The following FTO variants were observed in gnomAD, a reference collection of about 807,000 sequenced individuals.
FTO encodes the protein alpha-ketoglutarate-dependent dioxygenase FTO.
FTO carries 47 observed loss-of-function variants against 63.9 expected under a neutral mutation model. The observed-to-expected ratio is 0.74, with a 90% confidence interval of 0.58 to 0.94. The LOEUF (loss-of-function observed/expected upper bound fraction) is 0.94. Ranked by LOEUF, FTO falls within the 40% of genes least tolerant of loss-of-function variation. The pLI, the probability that FTO is intolerant of heterozygous loss-of-function variation, is 0.00. For missense variants in FTO, 562 were observed against 618.1 expected (o/e 0.91, Z 0.96); for synonymous variants, 207 against 224.4 (o/e 0.92, Z 0.69).
Position 53,826,496 on chromosome 16 carries a change from A to C in FTO, c.751+5A>C, listed in dbSNP as rs751965508. ...TGTACAGTTATAGCTGTGAAGGTAC[A>C]GTCTGCTCTTGGAAAAAGCAGCCCT... On this transcript the variant is annotated splice_donor_5th_base_variant and intron_variant, in intron 3 of 8. Transcript: ENST00000471389. 1.9e-5 allele frequency: 30 copies of C among 1,614,072 alleles called. No individual in the cohort carries two copies. The highest frequency in any genetic ancestry group is 2.4e-5 in the Non-Finnish European group (28 of 1,180,012).
intron 4 of FTO, among the ~76,000 whole-genome samples, chr16:53,866,526 A>G (rs1294700178): frequency 6.6e-6 from 1 of 152,158 alleles, no homozygotes; most frequent in Non-Finnish European, 1.5e-5. Context: ...AAACATGTTA[A>G]TTATTGATTC....
At chr16:54,040,552 A>C (rs148203535) in intron 8 of FTO, 15 of 152,342 alleles carry the variant, frequency 9.8e-5, no homozygotes, top group African/African-American at 3.4e-4. Flanking sequence ...TGAGCTAGGA[A>C]ATCAGGGTAG....
chr16:53,807,084 A>G (rs1390234836), intron 1 of FTO, among the ~76,000 whole-genome samples: 1 of 152,246 alleles, frequency 6.6e-6, no homozygotes, highest in East Asian at 1.9e-4. Context: ...TCACCGATGT[A>G]AGCATGACCA....
At chr16:53,760,078 C>G (rs2077020285) in intron 1 of FTO, among the ~76,000 whole-genome samples, 1 of 152,164 alleles carries the variant, frequency 6.6e-6, no homozygotes, top group South Asian at 2.1e-4. Flanking sequence ...TTGAAATGCA[C>G]CTTCCTTCAG....
At chr16:53,780,219 C>T (rs746744481) in intron 1 of FTO, among the ~76,000 whole-genome samples, 37 of 152,102 alleles carry the variant, frequency 2.4e-4, no homozygotes, top group Non-Finnish European at 5.0e-4. Flanking sequence ...GCTCCAGACT[C>T]ACTGGCTTGC....
chr16:53,810,278 C>A (rs1048016586), intron 2 of FTO, 61 bp downstream of exon 2: 93 of 1,215,454 alleles, frequency 7.7e-5, no homozygotes, highest in Non-Finnish European at 1.5e-5. Context: ...CTTATTTTAC[C>A]TATGAGGAAG....
chr16:53,739,509 T>C lies in FTO; in HGVS notation c.45+35280T>C, dbSNP rs570733271. ...GATTACAGGTGTGAGCCACTGTGCC[T>C]GGCCTACTATTACTTTTTAGATGAA... On this transcript the variant is annotated intron_variant, in intron 1 of 8. Coordinates refer to ENST00000471389, the MANE Select transcript of FTO (RefSeq NM_001080432.3). 2.8e-3 allele frequency among the ~76,000 whole-genome samples: 432 copies of C among 152,212 alleles called. 1 individual carries two copies. The highest frequency in any genetic ancestry group is 4.5e-3 in the Non-Finnish European group (309 of 68,004).
chr16:54,033,337 G>A (rs997248580), intron 8 of FTO, among the ~76,000 whole-genome samples: 3 of 152,158 alleles, frequency 2.0e-5, no homozygotes, highest in African/African-American at 4.8e-5. Context: ...GAGAAATGAA[G>A]TTGAGACTGT....
At chr16:53,982,065 G>A (rs532277827) in intron 8 of FTO, among the ~76,000 whole-genome samples, 1 of 151,908 alleles carries the variant, frequency 6.6e-6, no homozygotes, top group South Asian at 2.1e-4. Context: ...GGGCGACAGA[G>A]CGAGACTCTG....
chr16:53,958,420 G>A (rs992081420), intron 8 of FTO, among the ~76,000 whole-genome samples: 11 of 152,126 alleles, frequency 7.2e-5, no homozygotes, highest in African/African-American at 9.7e-5. Context: ...GGAAGCTGGC[G>A]GCCGGCTTTT....
intron 6 of FTO, among the ~76,000 whole-genome samples, chr16:53,883,518 A>G (rs1455370441): frequency 6.9e-6 from 1 of 144,976 alleles, no homozygotes; most frequent in Non-Finnish European, 1.5e-5. Flanking sequence ...GCTACTTGGG[A>G]GGCTGAGGCA....
At chr16:54,081,779 T>G (rs1215126632) in intron 8 of FTO, among the ~76,000 whole-genome samples, 1 of 152,150 alleles carries the variant, frequency 6.6e-6, no homozygotes, top group South Asian at 2.1e-4. Context: ...GGCCATTATT[T>G]AAATTTATAT....
At chr16:53,974,657 G>A (rs1018396138) in intron 8 of FTO, among the ~76,000 whole-genome samples, 1 of 151,408 alleles carries the variant, frequency 6.6e-6, no homozygotes, top group African/African-American at 2.5e-5. Flanking sequence ...TTTGTCACAC[G>A]CACTCACTGC....
At chr16:54,096,599 A>C (rs865774226) in intron 8 of FTO, among the ~76,000 whole-genome samples, 7 of 152,216 alleles carry the variant, frequency 4.6e-5, no homozygotes, top group Non-Finnish European at 7.3e-5. Flanking sequence ...GAGGATTAGA[A>C]CTTGCCTGCA....
At chr16:53,730,444 A>G (rs891326263) in intron 1 of FTO, among the ~76,000 whole-genome samples, 1 of 151,888 alleles carries the variant, frequency 6.6e-6, no homozygotes, top group Admixed American at 6.6e-5. Flanking sequence ...ACATTTTTCC[A>G]ATTATACTGT....
chr16:53,837,707 C>T (rs939002748), intron 3 of FTO, among the ~76,000 whole-genome samples: 5 of 149,236 alleles, frequency 3.4e-5, no homozygotes, highest in Admixed American at 6.8e-5. Flanking sequence ...GTGATGTAGT[C>T]CATCAGCTGT....
At chr16:54,094,531 G>A (rs1011332016) in intron 8 of FTO, among the ~76,000 whole-genome samples, 22 of 152,312 alleles carry the variant, frequency 1.4e-4, no homozygotes, top group African/African-American at 5.3e-4. Context: ...TCCTTCCTCA[G>A]CCTGAATTCA....
chr16:53,972,430 T>G (rs1450219599), intron 8 of FTO, among the ~76,000 whole-genome samples: 1 of 152,230 alleles, frequency 6.6e-6, no homozygotes, highest in Non-Finnish European at 1.5e-5. Context: ...ATGGAGTTGC[T>G]TCTCTTCAAC....
chr16:53,844,748 C>T (rs60203568), intron 4 of FTO, among the ~76,000 whole-genome samples: 56,146 of 151,844 alleles, frequency 0.37, 10,481 homozygotes, highest in South Asian at 0.45. Flanking sequence ...GGACCATGCC[C>T]GGCCCAATTA....
Sources: allele counts gnomAD v4.1 joint callset (sites outside exome capture counted in the v4.1 genomes callset), GRCh38; gene constraint gnomAD v4.1.1; transcripts MANE v1.5; gene names NCBI Gene and HGNC (gene_info 2026-07-23, HGNC 2026-07-21).